SEC63: variants seen among roughly 807,000 people sequenced by gnomAD.
SEC63 encodes SEC63 protein translocation regulator.
A neutral mutation model predicts 116.2 loss-of-function variants in SEC63; 56 were observed. The ratio of observed to expected loss-of-function variants is 0.48; its 90% CI spans 0.39 to 0.60. The LOEUF is 0.60. SEC63 is among the 20% of genes least tolerant of loss of function. The probability of loss-of-function intolerance (pLI) is 0.00; values close to 1 mark genes in which losing one functional copy is unlikely to be tolerated. For missense variants in SEC63, 668 were observed against 900.0 expected, an observed-to-expected ratio of 0.74 and a Z score of 3.30; for synonymous variants, 273 against 294.6, an observed-to-expected ratio of 0.93 and a Z score of 0.75.
intron 16 of SEC63, among the ~76,000 whole-genome samples, chr6:107,884,829 A>AATACTAAGCT (rs1786491659): frequency 6.6e-6 from 1 of 152,172 alleles, no homozygotes; most frequent in Admixed American, 6.5e-5. Context: ...TATAAAAAGG[A>AATACTAAGCT]ATACTAAGCT....
At chr6:107,951,827 G>A (rs957124447) in intron 1 of SEC63, among the ~76,000 whole-genome samples, 2 of 152,048 alleles carry the variant, frequency 1.3e-5, no homozygotes, top group African/African-American at 4.8e-5. Flanking sequence ...CAAAAAATTA[G>A]CCAGGCGTGG....
At chr6:107,935,171 G>A (rs1231254906) in intron 1 of SEC63, among the ~76,000 whole-genome samples, 4 of 150,670 alleles carry the variant, frequency 2.7e-5, no homozygotes, top group East Asian at 4.0e-4. Flanking sequence ...GGGAGGTGGG[G>A]GGGTCAGCCC....
Position 107,922,114 on chromosome 6 carries a change from T to C in SEC63, c.340-205A>G, listed in dbSNP as rs80297906. ...AAAAACACTTATATTGTCCAATATA[T>C]GTATTTTATTGAGCACCTACTATGT... On this transcript the variant is annotated intron_variant, in intron 3 of 20. Transcript: ENST00000369002. Among the ~76,000 whole-genome samples the C allele has an allele frequency of 6.8e-3, 1,030 of 152,350 alleles. 16 individuals carry two copies. Among genetic ancestry groups the C allele is most frequent in the African/African-American group, 0.024 (991 of 41,582 alleles).
chr6:107,904,815 C>A, intron 10 of SEC63, 94 bp from the exon 11 acceptor site: 2 of 918,382 alleles, frequency 2.2e-6, no homozygotes, highest in South Asian at 2.6e-5. Context: ...TAAAGTTATG[C>A]CACAAATATT....
chr6:107,926,672 C>T (rs1158552401), intron 2 of SEC63, among the ~76,000 whole-genome samples: 2 of 152,036 alleles, frequency 1.3e-5, no homozygotes, highest in Middle Eastern at 6.3e-3. Flanking sequence ...TTTTGTTTTC[C>T]CAACTCATCC....
chr6:107,945,323 T>G (rs1276634021), intron 1 of SEC63, among the ~76,000 whole-genome samples: 1 of 151,678 alleles, frequency 6.6e-6, no homozygotes, highest in Non-Finnish European at 1.5e-5. Flanking sequence ...TTTTTTTGTT[T>G]TGAGACAGAG....
At chr6:107,901,814 T>C (rs1347383708) in intron 12 of SEC63, among the ~76,000 whole-genome samples, 1 of 152,094 alleles carries the variant, frequency 6.6e-6, no homozygotes, top group Admixed American at 6.5e-5. Context: ...ACTTTGTCAA[T>C]TGATGTCCTC....
At chr6:107,907,728 C>T (rs1040726727) in intron 8 of SEC63, among the ~76,000 whole-genome samples, 1 of 152,158 alleles carries the variant, frequency 6.6e-6, no homozygotes, top group Admixed American at 6.5e-5. Flanking sequence ...TTCATATGTG[C>T]CTGACACACA....
chr6:107,913,750 A>G (rs554032211), intron 4 of SEC63, among the ~76,000 whole-genome samples: 1 of 152,352 alleles, frequency 6.6e-6, no homozygotes, highest in African/African-American at 2.4e-5. Flanking sequence ...CTAAGAAGGC[A>G]GGGAGAATTG....
At chr6:107,938,589 G>A (rs1770307437) in intron 1 of SEC63, among the ~76,000 whole-genome samples, 1 of 147,562 alleles carries the variant, frequency 6.8e-6, no homozygotes, top group South Asian at 2.1e-4. Flanking sequence ...TTTAGACGGA[G>A]TCTCACTCTG....
Position 107,881,215 on chromosome 6 carries a change from T to C in SEC63, c.1869A>G (p.Lys623=), listed in dbSNP as rs759756969. Residue 623 remains lysine (K), a synonymous_variant, in exon 18 of 21, where the codon AAA becomes AAG. Transcript: ENST00000369002. ...WQELQQSIQR[K]ERALLETKSK... ...ATTTGGTTTCCAATAGAGCTCTCTC[T>C]TTTCGCTGTATGCTTTGTTGTAATT... is the stretch of plus-strand genomic sequence containing the variant. 3 of 1,612,982 alleles carry C rather than the reference T, an allele frequency of 1.9e-6. 1 individual carries two copies. Among genetic ancestry groups the C allele is most frequent in the South Asian group, 2.2e-5 (2 of 91,052 alleles).
chr6:107,942,467 A>G (rs1770397134), intron 1 of SEC63, among the ~76,000 whole-genome samples: 1 of 152,214 alleles, frequency 6.6e-6, no homozygotes, highest in African/African-American at 2.4e-5. Flanking sequence ...CCTTTATTTA[A>G]CAAATATTTG....
In SEC63 at chr6:107,901,415, C is replaced by T; in HGVS notation, c.1312G>A (p.Val438Ile). 1 of 1,613,380 alleles carries T rather than the reference C, an allele frequency of 6.2e-7. No individual in the cohort carries two copies. The highest frequency in any genetic ancestry group is 8.5e-7 in the Non-Finnish European group (1 of 1,179,616). Residue 438 changes from valine to isoleucine, a missense_variant, in exon 13 of 21, where the codon GTC (valine) becomes ATC (isoleucine). By Grantham distance (29) the Val-to-Ile change is conservative (BLOSUM62 3). Transcript: ENST00000369002. The part of the protein sequence containing the change: ...EDEKYEEVMA[V>I]LGSFPYVTMD... ...GTCACATATGGAAAACTCCCAAGGA[C>T]AGCCATAACCTCTTCATATTTTTCA...
Position 107,929,494 on chromosome 6 carries a change from T to A in SEC63, c.145A>T (p.Ile49Phe). The A allele has an allele frequency of 4.4e-6, 7 of 1,596,128 alleles. No individual in the cohort carries two copies. Among genetic ancestry groups the A allele is most frequent in the Non-Finnish European group, 6.0e-6 (7 of 1,164,004 alleles). The change falls in exon 2 of 21, where the codon ATC becomes TTC. Residue 49 changes from isoleucine to phenylalanine, a missense_variant. Ile to Phe is a conservative substitution (Grantham distance 21). This residue lies in a region of SEC63 where 142 missense variants were observed against 169.5 expected (regional missense o/e 0.84). Coordinates refer to ENST00000369002, the MANE Select transcript of SEC63 (RefSeq NM_007214.5). ...ATACACCTTCCATATACTTTTCTGATATTCTTTAATCGAATTTGCTCTGTC... is the reference window on the plus strand; with the variant it reads ...ATACACCTTCCATATACTTTTCTGAAATTCTTTAATCGAATTTGCTCTGTC... ...QNAEQIRLKN[I>F]RKVYGRCMWY...
At chr6:107,894,210 G>A (rs772001354) in intron 14 of SEC63, among the ~76,000 whole-genome samples, 8 of 152,142 alleles carry the variant, frequency 5.3e-5, no homozygotes. Flanking sequence ...AGCAAACGTT[G>A]AGTATTTTAA....
intron 1 of SEC63, among the ~76,000 whole-genome samples, chr6:107,952,745 G>A (rs372631562): frequency 5.9e-5 from 9 of 152,032 alleles, no homozygotes; most frequent in African/African-American, 9.6e-5. Flanking sequence ...GCAACAGAGC[G>A]AGACTTCATG....
intron 1 of SEC63, among the ~76,000 whole-genome samples, chr6:107,938,748 G>C (rs1374817836): frequency 6.6e-6 from 1 of 151,624 alleles, no homozygotes; most frequent in Admixed American, 6.6e-5. Context: ...TAGAGATGGG[G>C]TTTCCGCCAT....
intron 6 of SEC63, 79 bp from the exon 7 acceptor site, chr6:107,911,475 C>T: frequency 2.2e-6 from 2 of 918,876 alleles, no homozygotes; most frequent in Non-Finnish European, 3.6e-6. Flanking sequence ...TTGAGGCTTA[C>T]AATGGGGGAG....
At chr6:107,953,311 C>CGGG (rs1251135733) in intron 1 of SEC63, among the ~76,000 whole-genome samples, 1 of 152,240 alleles carries the variant, frequency 6.6e-6, no homozygotes, top group Non-Finnish European at 1.5e-5. Context: ...AACTGTACTA[C>CGGG]GGGGGTCCTC....
Sources: gnomAD v4.1 joint callset for allele counts (sites outside exome capture counted in the v4.1 genomes callset) on GRCh38, gnomAD v4.1.1 for gene constraint, gnomAD v4.1.1 regional missense constraint, MANE v1.5 for transcripts, NCBI Gene and HGNC (gene_info 2026-07-23, HGNC 2026-07-21) for gene names.